Variants in LEPR observed in about 807,000 individuals in gnomAD.
LEPR encodes the protein OB receptor.
Under a neutral mutation model 114.7 loss-of-function variants are expected in LEPR, and 56 were observed. The observed-to-expected ratio is 0.49, with a 90% CI of 0.39 to 0.61. The LOEUF is 0.61. Ranked by LOEUF, LEPR falls within the 20% of genes least tolerant of loss-of-function variation. The pLI is 0.00. For synonymous variants in LEPR, 443 were observed against 461.4 expected (o/e 0.96, Z 0.51); for missense variants, 1,202 against 1,352.9 (o/e 0.89, Z 1.75).
rs376803568 is a variant in LEPR at position 65,597,342 on chromosome 1, T to C, written c.849+749T>C. On this transcript the variant is annotated intron_variant, in intron 7 of 19. Transcript: ENST00000349533. Reference sequence around the variant, plus strand: ...TTCCTTACTTCCTTTCTCTTTTTCTTTAACAGTTCGTTCCGTAAGTATTTA... The same window carrying C: ...TTCCTTACTTCCTTTCTCTTTTTCTCTAACAGTTCGTTCCGTAAGTATTTA... 5.6e-4 allele frequency among the ~76,000 whole-genome samples: 86 copies of C among 152,256 alleles called. No homozygotes were observed. The Middle Eastern group carries it at 0.02, about 36-fold the overall frequency.
rs547905918 is a variant in LEPR at position 65,572,197 on chromosome 1, G to T, written c.371-129G>T. The T allele has an allele frequency of 9.0e-6, 11 of 1,219,954 alleles. No individual in the cohort carries two copies. The African/African-American group carries it at 1.5e-4, about 17-fold the overall frequency. The allele number at this position is 1,219,954 out of a possible 1,614,324, so 75.6% of individuals were successfully genotyped here. On this transcript the variant is annotated intron_variant, in intron 4 of 19. Transcript: ENST00000349533. Reference sequence around the variant, plus strand: ...AGCTTGTTCTTTTTCTCTCAGAATAGGCAATGGAAGTTGTATCAGAACACT... The same window carrying T: ...AGCTTGTTCTTTTTCTCTCAGAATATGCAATGGAAGTTGTATCAGAACACT...
intron 2 of LEPR, among the ~76,000 whole-genome samples, chr1:65,484,471 C>T (rs936134034): frequency 4.6e-5 from 7 of 152,056 alleles, no homozygotes; most frequent in Non-Finnish European, 7.4e-5. Context: ...TGTTGTCACA[C>T]GTCCAAGGTT....
At chr1:65,630,643 C>T (rs907605186) in intron 19 of LEPR, among the ~76,000 whole-genome samples, 8 of 151,684 alleles carry the variant, frequency 5.3e-5, no homozygotes, top group East Asian at 1.9e-4. Context: ...GGACCCTCTG[C>T]GTAGATCTTC....
At chr1:65,593,930 T>C (rs1240021160) in intron 6 of LEPR, among the ~76,000 whole-genome samples, 1 of 152,070 alleles carries the variant, frequency 6.6e-6, no homozygotes, top group African/African-American at 2.4e-5. Flanking sequence ...CAACATTGAG[T>C]GCATTGTTTT....
At chr1:65,436,942 C>G (rs957833669) in intron 2 of LEPR, among the ~76,000 whole-genome samples, 7 of 152,176 alleles carry the variant, frequency 4.6e-5, no homozygotes, top group African/African-American at 1.7e-4. Context: ...GGTTGAGAGA[C>G]AAATTATATC....
chr1:65,596,677 AC>A, intron 7 of LEPR, 84 bp downstream of exon 7: 1 of 1,188,734 alleles, frequency 8.4e-7, no homozygotes, highest in Non-Finnish European at 1.2e-6. Context: ...CCCTCTGCAT[AC>A]TAAATATATA....
chr1:65,589,151 G>C (rs372042535), intron 5 of LEPR, among the ~76,000 whole-genome samples: 11 of 152,076 alleles, frequency 7.2e-5, no homozygotes, highest in African/African-American at 2.6e-4. Flanking sequence ...ATTTTAGTTT[G>C]TGTTTCTTGA....
In LEPR at chr1:65,605,112, A is replaced by T. The variant is rs1470995177; in HGVS notation, c.1478A>T (p.Asp493Val). 4.3e-6 allele frequency: 7 copies of T among 1,614,060 alleles called. No homozygotes were observed. The highest frequency in any genetic ancestry group is 1.7e-4 in the Middle Eastern group (1 of 6,060). The change falls in exon 11 of 20, where the codon GAT becomes GTT. Residue 493 changes from aspartate (D) to valine (V), a missense_variant. By Grantham distance (152) the Asp-to-Val change is radical. Coordinates refer to ENST00000349533, the MANE Select transcript of LEPR (RefSeq NM_002303.6). ...CCCAAAGATTGCTATTTGCAGAGTGATGGTTTTTATGAATGCATTTTCCAG... is the reference window on the plus strand; with the variant it reads ...CCCAAAGATTGCTATTTGCAGAGTGTTGGTTTTTATGAATGCATTTTCCAG... The part of the protein sequence containing the change: ...SEPKDCYLQS[D>V]GFYECIFQPI...
At position 65,570,479 on chromosome 1, in the gene LEPR, T is replaced by C. The variant is rs766684961; in HGVS notation, c.47T>C (p.Ile16Thr). 3.7e-6 allele frequency: 6 copies of C among 1,613,238 alleles called. No individual in the cohort carries two copies. The highest frequency in any genetic ancestry group is 5.1e-6 in the Non-Finnish European group (6 of 1,179,816). ...FCVVLLHWEF[I>T]YVITAFNLSY... is the part of the protein sequence containing the mutation. Reference sequence around the variant, plus strand: ...CTTTTTAATATCCTAACAGAATTTATTTATGTGATAACTGCGTTTAACTTG... The same window carrying C: ...CTTTTTAATATCCTAACAGAATTTACTTATGTGATAACTGCGTTTAACTTG... The change falls in exon 4 of 20, where the codon ATT (isoleucine) becomes ACT (threonine). Residue 16 changes from isoleucine to threonine, a missense_variant. Ile to Thr is a moderately conservative substitution (Grantham distance 89). Coordinates refer to ENST00000349533, the MANE Select transcript of LEPR (RefSeq NM_002303.6).
rs759764704 is a variant in LEPR, at chr1:65,572,376, A to G, written c.421A>G (p.Ile141Val). 10 of 1,590,686 alleles carry G rather than the reference A, an allele frequency of 6.3e-6. No individual in the cohort carries two copies. Among genetic ancestry groups the G allele is most frequent in the Middle Eastern group, 1.7e-4 (1 of 5,800 alleles). ...GCTAAAAGGAGACTTAAAATTATTCATCTGTTATGTGGAGTCATTATTTAA... is the reference window on the plus strand; with the variant it reads ...GCTAAAAGGAGACTTAAAATTATTCGTCTGTTATGTGGAGTCATTATTTAA... ...CWLKGDLKLF[I>V]CYVESLFKNL... The change falls in exon 5 of 20, where the codon ATC becomes GTC. Residue 141 changes from isoleucine to valine, a missense_variant. Transcript: ENST00000349533.
rs367922958 is a variant in LEPR at position 65,638,858 on chromosome 1, C to T, written c.*1843C>T. The T allele has an allele frequency of 2.6e-5, 4 of 152,126 alleles. No homozygotes were observed. Among genetic ancestry groups the T allele is most frequent in the Admixed American group, 1.3e-4 (2 of 15,294 alleles). The allele number at this position is 152,126 out of a possible 1,614,324, so 9.4% of individuals were successfully genotyped here. ...TTCTATGCAAAGATAAATGGAGAAG[C>T]GTTTTTTTCATGGATAATTTTACAT... On this transcript the variant is annotated 3_prime_UTR_variant, in exon 20 of 20. Coordinates refer to ENST00000349533, the MANE Select transcript of LEPR (RefSeq NM_002303.6).
At chr1:65,592,228 C>T (rs1655741404) in intron 5 of LEPR, among the ~76,000 whole-genome samples, 1 of 148,106 alleles carries the variant, frequency 6.8e-6, no homozygotes, top group South Asian at 2.1e-4. Context: ...TTGTGTGAAA[C>T]CACATTTCTA....
intron 14 of LEPR, among the ~76,000 whole-genome samples, chr1:65,613,981 T>C (rs1657374297): frequency 6.6e-6 from 1 of 151,932 alleles, no homozygotes; most frequent in African/African-American, 2.4e-5. Context: ...CAGCAAGAAC[T>C]TTTATTCATT....
At chr1:65,579,650 T>C (rs1654844201) in intron 5 of LEPR, among the ~76,000 whole-genome samples, 1 of 152,240 alleles carries the variant, frequency 6.6e-6, no homozygotes, top group Non-Finnish European at 1.5e-5. Context: ...TTAAAAATTC[T>C]CACTTGGGTG....
intron 5 of LEPR, among the ~76,000 whole-genome samples, chr1:65,592,386 T>C (rs1655763009): frequency 6.6e-6 from 1 of 151,842 alleles, no homozygotes. Flanking sequence ...AAAGCTGTTT[T>C]CGCTGGGTAT....
chr1:65,568,668 C>A (rs1402551381), intron 3 of LEPR, among the ~76,000 whole-genome samples: 3 of 152,016 alleles, frequency 2.0e-5, no homozygotes, highest in Non-Finnish European at 1.5e-5. Context: ...ACAATGATTT[C>A]TTTTCCTTTG....
chr1:65,536,408 G>A (rs1650780152), intron 2 of LEPR, among the ~76,000 whole-genome samples: 1 of 152,080 alleles, frequency 6.6e-6, no homozygotes. Flanking sequence ...GTGGAACCAT[G>A]AGCCAAGAAA....
chr1:65,455,378 G>A (rs1646854945), intron 2 of LEPR, among the ~76,000 whole-genome samples: 1 of 152,182 alleles, frequency 6.6e-6, no homozygotes, highest in Non-Finnish European at 1.5e-5. Context: ...AGAGTTCCCA[G>A]TTTTTCTGCT....
At chr1:65,573,997 G>A (rs1319287689) in intron 5 of LEPR, among the ~76,000 whole-genome samples, 1 of 152,190 alleles carries the variant, frequency 6.6e-6, no homozygotes, top group Non-Finnish European at 1.5e-5. Flanking sequence ...CTGTCCTTTA[G>A]GTGCTCAAAG....
Sources: allele counts gnomAD v4.1 joint callset (sites outside exome capture counted in the v4.1 genomes callset), GRCh38; gene constraint gnomAD v4.1.1; transcripts MANE v1.5; gene names NCBI Gene and HGNC (gene_info 2026-07-23, HGNC 2026-07-21).